LIN28B: variants seen among roughly 807,000 people sequenced by gnomAD.
LIN28B encodes protein lin-28 homolog B.
A neutral mutation model predicts 21.9 loss-of-function variants in LIN28B; 5 were observed. The ratio of observed to expected loss-of-function variants is 0.23; its 90% CI spans 0.12 to 0.48. LIN28B has a LOEUF of 0.48. LIN28B is among the 20% of genes least tolerant of loss of function. The pLI, the probability that LIN28B is intolerant of heterozygous loss-of-function variation, is 0.98. For missense variants in LIN28B, 245 were observed against 310.5 expected, an observed-to-expected ratio of 0.79 and a Z score of 1.58; for synonymous variants, 109 against 111.3, an observed-to-expected ratio of 0.98 and a Z score of 0.13.
chr6:105,035,452 A>G (rs221615), intron 3 of LIN28B, among the ~76,000 whole-genome samples: 114,555 of 151,940 alleles, frequency 0.75, 43,404 homozygotes, highest in East Asian at 0.97. Flanking sequence ...TCTGACCTAT[A>G]ACCCCTATTC....
At chr6:104,941,554 C>G (rs1379654178) in intron 2 of LIN28B, 1 of 149,314 alleles carries the variant, frequency 6.7e-6, no homozygotes, top group South Asian at 2.1e-4. Flanking sequence ...GGTGCCGGCT[C>G]GTCTGGGACG....
At chr6:104,997,311 A>T (rs1770629855) in intron 2 of LIN28B, among the ~76,000 whole-genome samples, 2 of 151,338 alleles carry the variant, frequency 1.3e-5, no homozygotes, top group African/African-American at 4.8e-5. Context: ...GAAAAAGAAA[A>T]GAAAAAGTTT....
At chr6:105,011,534 T>A (rs1770922912) in intron 2 of LIN28B, among the ~76,000 whole-genome samples, 1 of 152,186 alleles carries the variant, frequency 6.6e-6, no homozygotes, top group Non-Finnish European at 1.5e-5. Context: ...GGTGTATAGG[T>A]CTCATCTGAC....
chr6:104,962,669 T>C (rs1769771358), intron 2 of LIN28B, among the ~76,000 whole-genome samples: 2 of 152,194 alleles, frequency 1.3e-5, no homozygotes, highest in Admixed American at 6.5e-5. Flanking sequence ...TAATTAATTA[T>C]ACAATGTAGG....
intron 2 of LIN28B, among the ~76,000 whole-genome samples, chr6:104,960,830 C>A (rs1310037523): frequency 2.6e-5 from 4 of 152,050 alleles, no homozygotes; most frequent in African/African-American, 9.7e-5. Flanking sequence ...TAAAATTGAG[C>A]TGTGTATTTG....
At chr6:104,994,526 G>A (rs1319154618) in intron 2 of LIN28B, among the ~76,000 whole-genome samples, 3 of 152,138 alleles carry the variant, frequency 2.0e-5, no homozygotes, top group Non-Finnish European at 4.4e-5. Flanking sequence ...GCTATAAATC[G>A]TTCATAAAAG....
intron 3 of LIN28B, among the ~76,000 whole-genome samples, chr6:105,059,113 T>C (rs1192915243): frequency 3.3e-5 from 5 of 152,192 alleles, no homozygotes; most frequent in Admixed American, 3.3e-4. Flanking sequence ...TATCTCCTAC[T>C]TGCTAAATCC....
rs141825147 is a variant in LIN28B, at chr6:105,030,416, A to C, written c.383+3934A>C. 2.1e-4 allele frequency among the ~76,000 whole-genome samples: 32 copies of C among 151,360 alleles called. 2 individuals are homozygous for C. The East Asian group carries it at 6.0e-3, about 28-fold the overall frequency. On this transcript the variant is annotated intron_variant, in intron 3 of 3. Transcript: ENST00000345080. ...TTCCTGAGACAGTTTTAGTAATGAG[A>C]ATAAAATTGTGCTTTGATCCAGATT...
chr6:104,950,819 C>T (rs1322253906), intron 3 of LIN28B, among the ~76,000 whole-genome samples: 1 of 151,596 alleles, frequency 6.6e-6, no homozygotes, highest in Non-Finnish European at 1.5e-5. Flanking sequence ...TATTTAAATG[C>T]TTATGGAGAT....
At chr6:104,997,755 A>G (rs1326538458) in intron 2 of LIN28B, among the ~76,000 whole-genome samples, 2 of 152,314 alleles carry the variant, frequency 1.3e-5, no homozygotes, top group Admixed American at 1.3e-4. Flanking sequence ...CCGGGTTCAT[A>G]TCCCATAAAA....
chr6:105,059,897 A>G (rs139991533), intron 3 of LIN28B, among the ~76,000 whole-genome samples: 107 of 146,766 alleles, frequency 7.3e-4, no homozygotes, highest in African/African-American at 2.6e-3. Flanking sequence ...CTTTATTCTC[A>G]TGTTACTGTA....
chr6:105,057,097 A>C (rs1296009682), intron 3 of LIN28B, among the ~76,000 whole-genome samples: 1 of 152,208 alleles, frequency 6.6e-6, no homozygotes, highest in Non-Finnish European at 1.5e-5. Context: ...TGTAATGCAG[A>C]GATAAAATAT....
chr6:105,066,683 T>C (rs1414418304), intron 3 of LIN28B, among the ~76,000 whole-genome samples: 1 of 152,176 alleles, frequency 6.6e-6, no homozygotes, highest in Non-Finnish European at 1.5e-5. Context: ...CTTTTATATA[T>C]TGTTTGGACA....
At chr6:104,957,008 C>T, upstream of LIN28B, 1 of 1,265,802 alleles carries the variant, frequency 7.9e-7, no homozygotes, top group Non-Finnish European at 1.0e-6. Flanking sequence ...TTGCCAGCCC[C>T]TTAAGGATAC....
chr6:105,016,394 G>A (rs1158859172), intron 2 of LIN28B, among the ~76,000 whole-genome samples: 19 of 152,210 alleles, frequency 1.2e-4, no homozygotes. Flanking sequence ...CCTGTGGCAT[G>A]TAGTTTCAAG....
In LIN28B at chr6:105,060,810, C is replaced by A. The variant is rs983383756; in HGVS notation, c.384-17604C>A. 1.1e-4 allele frequency among the ~76,000 whole-genome samples: 17 copies of A among 152,132 alleles called. No homozygotes were observed. In the East Asian group the frequency reaches 1.7e-3, roughly 16 times the overall value. ...AGAGATTTGGAAACTAGGGTTGGGTCAAAATGACCTTGAAGAGATGAGTTG... is the reference window on the plus strand; with the variant it reads ...AGAGATTTGGAAACTAGGGTTGGGTAAAAATGACCTTGAAGAGATGAGTTG... On this transcript the variant is annotated intron_variant, in intron 3 of 3. Coordinates refer to ENST00000345080, the MANE Select transcript of LIN28B (RefSeq NM_001004317.4).
At chr6:104,943,868 G>A (rs180918101) in intron 2 of LIN28B, among the ~76,000 whole-genome samples, 20 of 152,234 alleles carry the variant, frequency 1.3e-4, no homozygotes, top group Middle Eastern at 3.4e-3. Context: ...TGATTTATAT[G>A]AATAAGTCTT....
At chr6:104,991,979 C>T (rs1053741789) in intron 2 of LIN28B, among the ~76,000 whole-genome samples, 4 of 137,144 alleles carry the variant, frequency 2.9e-5, no homozygotes, top group Non-Finnish European at 4.6e-5. Context: ...AGCTTTGGCT[C>T]GGCATCAGAG....
intron 3 of LIN28B, among the ~76,000 whole-genome samples, chr6:105,051,934 A>G (rs1771915136): frequency 6.6e-6 from 1 of 152,228 alleles, no homozygotes; most frequent in South Asian, 2.1e-4. Flanking sequence ...GTAGTGATAA[A>G]TGCTGTGAAG....
Sources: gnomAD v4.1 joint callset for allele counts (sites outside exome capture counted in the v4.1 genomes callset) on GRCh38, gnomAD v4.1.1 for gene constraint, MANE v1.5 for transcripts, NCBI Gene and HGNC (gene_info 2026-07-23, HGNC 2026-07-21) for gene names.